CUEDC1: variants seen among roughly 807,000 people sequenced by gnomAD.
CUEDC1 encodes the protein CUE domain-containing protein 1.
CUEDC1 carries 30 observed loss-of-function variants against 43.7 expected under a neutral mutation model. The observed-to-expected ratio is 0.69, with a 90% confidence interval of 0.51 to 0.93. The LOEUF (loss-of-function observed/expected upper bound fraction) is 0.93, where lower values mean the gene tolerates loss of function less well. Among genes scored for constraint, CUEDC1 ranks in the 40% least tolerant of loss-of-function variants. The probability of loss-of-function intolerance (pLI) is 0.00; values close to 1 mark genes in which losing one functional copy is unlikely to be tolerated. For synonymous variants in CUEDC1, 223 were observed against 223.6 expected (o/e 1.00, Z 0.02); for missense variants, 486 against 549.0 (o/e 0.89, Z 1.15).
At chr17:57,888,483 G>A (rs2074321375) in intron 1 of CUEDC1, among the ~76,000 whole-genome samples, 1 of 152,230 alleles carries the variant, frequency 6.6e-6, no homozygotes, top group African/African-American at 2.4e-5. Flanking sequence ...AAGACACAGA[G>A]GGGTGACTTC....
chr17:57,915,220 A>G (rs2074626415), intron 1 of CUEDC1: 1 of 151,938 alleles, frequency 6.6e-6, no homozygotes, highest in South Asian at 2.1e-4. Flanking sequence ...CTTCCTGACT[A>G]TAAAGAGGTA....
At chr17:57,864,464 G>A (rs1393665670) in intron 10 of CUEDC1, among the ~76,000 whole-genome samples, 2 of 152,304 alleles carry the variant, frequency 1.3e-5, no homozygotes, top group Admixed American at 6.5e-5. Context: ...GGAGCCAGGA[G>A]AGAGGAAGGA....
chr17:57,879,802 G>A (rs940806366), intron 2 of CUEDC1, 64 bp from the exon 3 acceptor site: 1 of 1,521,464 alleles, frequency 6.6e-7, no homozygotes, highest in Non-Finnish European at 8.9e-7. Context: ...ATACCATTCA[G>A]ACAAAATCAA....
intron 9 of CUEDC1, chr17:57,866,906 G>C (rs1283904152): frequency 8.5e-6 from 3 of 351,386 alleles, no homozygotes; most frequent in Non-Finnish European, 1.6e-5. Flanking sequence ...ATGAGGATCA[G>C]GGTTCAGCTG....
intron 1 of CUEDC1, among the ~76,000 whole-genome samples, chr17:57,951,464 CT>C (rs113568952): frequency 6.2e-4 from 90 of 146,094 alleles, no homozygotes; most frequent in African/African-American, 7.5e-4. Flanking sequence ...GGAGTTGGAA[CT>C]TTTTTTTTTT....
intron 1 of CUEDC1, among the ~76,000 whole-genome samples, chr17:57,951,278 T>C (rs2075004449): frequency 1.3e-5 from 2 of 152,186 alleles, no homozygotes; most frequent in African/African-American, 2.4e-5. Flanking sequence ...AGATCTCTTT[T>C]AACTCTTTCT....
chr17:57,870,645 GC>G (rs1249453259), intron 6 of CUEDC1, among the ~76,000 whole-genome samples: 1 of 151,340 alleles, frequency 6.6e-6, no homozygotes, highest in Non-Finnish European at 1.5e-5. Flanking sequence ...GAGTCTCTGA[GC>G]CCCACCACGG....
chr17:57,934,894 G>C (rs1243972292), intron 1 of CUEDC1, among the ~76,000 whole-genome samples: 1 of 152,078 alleles, frequency 6.6e-6, no homozygotes, highest in Non-Finnish European at 1.5e-5. Flanking sequence ...TTTTAATAGA[G>C]ACAGGGTTTC....
chr17:57,889,307 A>AG (rs1399404504), intron 1 of CUEDC1, among the ~76,000 whole-genome samples: 2 of 152,132 alleles, frequency 1.3e-5, no homozygotes, highest in Non-Finnish European at 2.9e-5. Flanking sequence ...CTGCCCTCAC[A>AG]GGGGGGATGG....
At chr17:57,924,701 C>T (rs2074729776) in intron 1 of CUEDC1, among the ~76,000 whole-genome samples, 1 of 152,078 alleles carries the variant, frequency 6.6e-6, no homozygotes, top group Non-Finnish European at 1.5e-5. Context: ...ATGAGTGTCC[C>T]ACTTCTATGG....
chr17:57,916,889 G>A (rs1031132866), intron 1 of CUEDC1, among the ~76,000 whole-genome samples: 1 of 152,186 alleles, frequency 6.6e-6, no homozygotes, highest in African/African-American at 2.4e-5. Context: ...CTCTGAGCAG[G>A]AGGAGGAGGG....
At chr17:57,934,768 C>T (rs2074844290) in intron 1 of CUEDC1, among the ~76,000 whole-genome samples, 4 of 152,164 alleles carry the variant, frequency 2.6e-5, no homozygotes, top group East Asian at 1.9e-4. Context: ...CATGCAGTGG[C>T]GTGATTTCGG....
intron 10 of CUEDC1, among the ~76,000 whole-genome samples, chr17:57,864,159 A>G (rs1383550886): frequency 6.6e-6 from 1 of 152,114 alleles, no homozygotes; most frequent in Non-Finnish European, 1.5e-5. Context: ...ATGAGCATCT[A>G]TCAGGGTGGT....
At chr17:57,917,635 G>A (rs2074656168) in intron 1 of CUEDC1, among the ~76,000 whole-genome samples, 1 of 152,234 alleles carries the variant, frequency 6.6e-6, no homozygotes, top group South Asian at 2.1e-4. Flanking sequence ...CTGATGTGGA[G>A]ACAGGCACAG....
At chr17:57,899,641 C>T (rs1383359904) in intron 1 of CUEDC1, among the ~76,000 whole-genome samples, 1 of 152,192 alleles carries the variant, frequency 6.6e-6, no homozygotes, top group East Asian at 1.9e-4. Context: ...CTGCCACACA[C>T]ACCAGCTCAC....
chr17:57,867,095 C>T (rs1597966217), intron 9 of CUEDC1: 1 of 558,832 alleles, frequency 1.8e-6, no homozygotes, highest in East Asian at 2.9e-5. Context: ...AGAATATTCC[C>T]CAGAAACAGT....
chr17:57,879,383 G>A (rs2074172216), intron 3 of CUEDC1, among the ~76,000 whole-genome samples: 1 of 152,218 alleles, frequency 6.6e-6, no homozygotes, highest in African/African-American at 2.4e-5. Context: ...TATGGTACCA[G>A]ACATACCGCC....
At chr17:57,921,025 G>A (rs2074693198) in intron 1 of CUEDC1, among the ~76,000 whole-genome samples, 1 of 152,216 alleles carries the variant, frequency 6.6e-6, no homozygotes. Context: ...AGATCACTGG[G>A]AATTAGTTGT....
chr17:57,914,748 C>T (rs2074620373), intron 1 of CUEDC1, among the ~76,000 whole-genome samples: 1 of 152,168 alleles, frequency 6.6e-6, no homozygotes, highest in East Asian at 1.9e-4. Flanking sequence ...CCTGCACCTG[C>T]CCCACCTGGC....
Sources: allele counts gnomAD v4.1 joint callset (sites outside exome capture counted in the v4.1 genomes callset), GRCh38; gene constraint gnomAD v4.1.1; transcripts MANE v1.5; gene names NCBI Gene and HGNC (gene_info 2026-07-23, HGNC 2026-07-21).